ANKRD30B: variants seen among roughly 807,000 people sequenced by gnomAD.
ANKRD30B encodes ankyrin repeat domain 30B, also known as ankyrin repeat domain-containing protein 30B.
ANKRD30B carries 144 observed loss-of-function variants against 202.2 expected under a neutral mutation model. The ratio of observed to expected loss-of-function variants is 0.71; its 90% CI spans 0.62 to 0.82. The LOEUF (loss-of-function observed/expected upper bound fraction) is 0.82. ANKRD30B is among the 40% of genes least tolerant of loss of function. The pLI is 0.00. For synonymous variants in ANKRD30B, 508 were observed against 561.3 expected (o/e 0.91, Z 1.34); for missense variants, 1,487 against 1,669.1 (o/e 0.89, Z 1.90).
chr18:14,769,386 G>T lies in ANKRD30B; in HGVS notation c.1256+13G>T. On this transcript the variant is annotated intron_variant, in intron 8 of 43. Coordinates refer to ENST00000690538, the MANE Select transcript of ANKRD30B (RefSeq NM_001367607.2). ...AGCCTATATTCAGGTAAGACTTTGC[G>T]GTTTTTTAAAACGAATAGGTTAACT... 6.5e-7 allele frequency: 1 copy of T among 1,542,908 alleles called. No homozygotes were observed. The highest frequency in any genetic ancestry group is 8.8e-7 in the Non-Finnish European group (1 of 1,142,598).
chr18:14,920,017 G>T, the ANKRD30B span, among the ~76,000 whole-genome samples: 1 of 152,210 alleles, frequency 6.6e-6, no homozygotes, highest in Admixed American at 6.5e-5. Context: ...GCCACTTGAT[G>T]TGGGAAGTTT....
chr18:14,796,127 A>C, intron 16 of ANKRD30B, 94 bp from the exon 17 acceptor site: 2 of 1,315,180 alleles, frequency 1.5e-6, no homozygotes, highest in East Asian at 4.6e-5. Context: ...CAATCCAAGC[A>C]TGAGGATTCA....
At chr18:14,870,882 C>G in the ANKRD30B span, among the ~76,000 whole-genome samples, 1 of 152,082 alleles carries the variant, frequency 6.6e-6, no homozygotes, top group African/African-American at 2.4e-5. Context: ...GCTTCTGTCC[C>G]AAACCTGCAG....
chr18:14,763,016 A>G (rs1341849307), intron 6 of ANKRD30B, among the ~76,000 whole-genome samples: 2 of 152,126 alleles, frequency 1.3e-5, no homozygotes, highest in East Asian at 3.9e-4. Context: ...AGGTATCTTT[A>G]AGGTACTAAG....
chr18:14,825,690 G>T (rs1217846493), intron 32 of ANKRD30B, among the ~76,000 whole-genome samples: 1 of 151,908 alleles, frequency 6.6e-6, no homozygotes, highest in African/African-American at 2.4e-5. Context: ...TAACCACTTT[G>T]TCCGATCCCC....
the ANKRD30B span, among the ~76,000 whole-genome samples, chr18:14,872,190 C>T: frequency 6.6e-6 from 1 of 152,190 alleles, no homozygotes; most frequent in South Asian, 2.1e-4. Context: ...GAAGTCACTT[C>T]CTTATGCAAA....
chr18:14,933,600 T>C, the ANKRD30B span, among the ~76,000 whole-genome samples: 1 of 152,064 alleles, frequency 6.6e-6, no homozygotes, highest in Admixed American at 6.5e-5. Flanking sequence ...CAGGCTCAGC[T>C]GAGGCTTCCT....
At chr18:14,795,171 A>G (rs573173878) in intron 16 of ANKRD30B, among the ~76,000 whole-genome samples, 2,192 of 152,362 alleles carry the variant, frequency 0.014, 59 homozygotes, top group African/African-American at 0.051. Flanking sequence ...GGAAATTGAC[A>G]TCTAGTTTTT....
At chr18:14,860,503 G>A in the ANKRD30B span, among the ~76,000 whole-genome samples, 18 of 145,300 alleles carry the variant, frequency 1.2e-4, no homozygotes, top group African/African-American at 4.3e-4. Context: ...AGATGGGGTG[G>A]CTGGGCAGAG....
At chr18:14,865,826 C>T in the ANKRD30B span, among the ~76,000 whole-genome samples, 2 of 152,174 alleles carry the variant, frequency 1.3e-5, no homozygotes, top group African/African-American at 4.8e-5. Context: ...CTACAGCCTC[C>T]AGTCTGTCCT....
chr18:14,940,023 G>A, the ANKRD30B span, among the ~76,000 whole-genome samples: 6 of 152,312 alleles, frequency 3.9e-5, no homozygotes, highest in African/African-American at 7.2e-5. Context: ...AGCCGACATC[G>A]TTGACTCCTT....
At chr18:14,935,369 G>A in the ANKRD30B span, among the ~76,000 whole-genome samples, 2 of 152,284 alleles carry the variant, frequency 1.3e-5, no homozygotes, top group East Asian at 3.9e-4. Flanking sequence ...GCCTTTTGTG[G>A]CTGCTCCTCC....
At chr18:14,809,884 A>T (rs1158026623) in intron 26 of ANKRD30B, 102 bp from the exon 27 acceptor site, 2 of 1,148,814 alleles carry the variant, frequency 1.7e-6, no homozygotes, top group Non-Finnish European at 2.6e-6. Flanking sequence ...TCCCTTTTCA[A>T]TCCAAGCATG....
At chr18:14,788,444 G>A (rs1430270103) in intron 15 of ANKRD30B, among the ~76,000 whole-genome samples, 1 of 152,066 alleles carries the variant, frequency 6.6e-6, no homozygotes, top group Non-Finnish European at 1.5e-5. Flanking sequence ...TGCACAATGT[G>A]CAGTTTAGTT....
chr18:14,763,957 G>A lies in ANKRD30B; in HGVS notation c.1092G>A (p.Glu364=), dbSNP rs761677966. The A allele has an allele frequency of 3.7e-6, 6 of 1,608,144 alleles. No individual in the cohort carries two copies. Among genetic ancestry groups the A allele is most frequent in the East Asian group, 2.2e-5 (1 of 44,508 alleles). ...AKERSRKITW[E]EKETSVKTEC... ...AAAGATCTAGGAAGATCACATGGGA[G>A]GAAAAAGAAACATCTGTAAAGACTG... is the stretch of plus-strand genomic sequence containing the variant. Residue 364 remains glutamate (E), a synonymous_variant, in exon 7 of 44, where the codon GAG becomes GAA. Transcript: ENST00000690538.
the ANKRD30B span, among the ~76,000 whole-genome samples, chr18:14,868,435 G>A: frequency 1.3e-5 from 2 of 152,296 alleles, no homozygotes; most frequent in Non-Finnish European, 2.9e-5. Flanking sequence ...GTATCTTTTT[G>A]TTTTTGGTTG....
At chr18:14,898,294 C>T in the ANKRD30B span, among the ~76,000 whole-genome samples, 5 of 151,936 alleles carry the variant, frequency 3.3e-5, no homozygotes, top group East Asian at 3.9e-4. Context: ...GGATGGCAGC[C>T]GGGGGGAGGT....
chr18:14,922,391 C>T, the ANKRD30B span, among the ~76,000 whole-genome samples: 10 of 151,802 alleles, frequency 6.6e-5, no homozygotes, highest in Admixed American at 1.3e-4. Flanking sequence ...CGTGGTGGCT[C>T]ATGCCTGTAA....
chr18:14,867,322 G>A, the ANKRD30B span, among the ~76,000 whole-genome samples: 8 of 140,818 alleles, frequency 5.7e-5, no homozygotes, highest in South Asian at 1.9e-3. Flanking sequence ...AGGGGGGGCA[G>A]GTTAGGGGTG....
Sources: gnomAD v4.1 joint callset for allele counts (sites outside exome capture counted in the v4.1 genomes callset) on GRCh38, gnomAD v4.1.1 for gene constraint, MANE v1.5 for transcripts, NCBI Gene and HGNC (gene_info 2026-07-23, HGNC 2026-07-21) for gene names.